The following ITGA2B variants were observed in gnomAD, a reference collection of about 807,000 sequenced individuals.
The protein encoded by ITGA2B is integrin subunit alpha 2b.
A neutral mutation model predicts 142.0 loss-of-function variants in ITGA2B; 91 were observed. The ratio of observed to expected loss-of-function variants is 0.64; its 90% confidence interval spans 0.54 to 0.76. The LOEUF (loss-of-function observed/expected upper bound fraction) is 0.76, where lower values mean the gene tolerates loss of function less well. ITGA2B is among the 30% of genes least tolerant of loss of function. The probability of loss-of-function intolerance (pLI) is 0.00; values close to 1 mark genes in which losing one functional copy is unlikely to be tolerated. For missense variants in ITGA2B, 1,231 were observed against 1,350.8 expected, an observed-to-expected ratio of 0.91 and a Z score of 1.39; for synonymous variants, 536 against 567.2, an observed-to-expected ratio of 0.94 and a Z score of 0.78.
intron 4 of ITGA2B, 75 bp from the exon 5 acceptor site, chr17:44,385,410 A>G: frequency 6.4e-7 from 1 of 1,554,436 alleles, no homozygotes; most frequent in Non-Finnish European, 8.7e-7. Context: ...GGGCTGGGGG[A>G]CAGGGGCGGG....
In ITGA2B at chr17:44,389,542, C is replaced by T; in HGVS notation, c.-69G>A. On this transcript the variant is annotated 5_prime_UTR_variant, in exon 1 of 30. It adds an upstream start codon to the 5' untranslated region. Coordinates refer to ENST00000262407, the MANE Select transcript of ITGA2B (RefSeq NM_000419.5). ...TCCTCCTTCCCTTCAGATTCCTCCA[C>T]AGGAAGTCTTTTCTTATCAAACTGG... 6.5e-7 allele frequency: 1 copy of T among 1,542,198 alleles called. No individual in the cohort carries two copies. The highest frequency in any genetic ancestry group is 8.9e-7 in the Non-Finnish European group (1 of 1,126,500).
chr17:44,384,417 C>T, intron 8 of ITGA2B, 63 bp from the exon 9 acceptor site: 1 of 1,609,322 alleles, frequency 6.2e-7, no homozygotes, highest in South Asian at 1.1e-5. Context: ...CTTCCCGCTC[C>T]CCGTTCTGCA....
chr17:44,375,146 C>T lies in ITGA2B; in HGVS notation c.2728-35G>A, dbSNP rs1182739245. The T allele has an allele frequency of 4.0e-6, 6 of 1,510,624 alleles. No individual in the cohort carries two copies. In the Admixed American group the frequency reaches 7.9e-5, roughly 20 times the overall value. 93.6% of individuals were successfully genotyped at this position (1,510,624 alleles called of 1,614,324 possible). On this transcript the variant is annotated intron_variant, in intron 26 of 29. Transcript: ENST00000262407. ...AGCATCGTCAGTCCCCAGCCCGTCC[C>T]GGCCCATCACCCCATCATCCCCCAC...
At chr17:44,387,376 A>G (rs768989604) in intron 1 of ITGA2B, among the ~76,000 whole-genome samples, 7 of 148,114 alleles carry the variant, frequency 4.7e-5, no homozygotes, top group Non-Finnish European at 9.0e-5. Context: ...TACAAAAATT[A>G]GCCGGGCATG....
chr17:44,379,639 T>C, intron 18 of ITGA2B, 50 bp downstream of exon 18: 1 of 1,612,866 alleles, frequency 6.2e-7, no homozygotes, highest in Non-Finnish European at 8.5e-7. Context: ...TAATCCTGAT[T>C]TGCTATCAGG....
intron 1 of ITGA2B, among the ~76,000 whole-genome samples, chr17:44,387,717 C>G (rs1304443542): frequency 6.9e-6 from 1 of 145,598 alleles, no homozygotes; most frequent in East Asian, 2.2e-4. Flanking sequence ...CCCAGCTACG[C>G]GGGAGGCTGT....
chr17:44,376,420 C>T (rs780661624), intron 22 of ITGA2B, 32 bp from the exon 23 acceptor site: 1 of 1,603,968 alleles, frequency 6.2e-7, no homozygotes, highest in African/African-American at 1.3e-5. Context: ...GAAACAGGGC[C>T]AGGGACACCA....
At chr17:44,385,513 T>A (rs188601974) in intron 4 of ITGA2B, 38 bp downstream of exon 4, 4 of 1,536,612 alleles carry the variant, frequency 2.6e-6, no homozygotes, top group East Asian at 2.4e-5. Context: ...GGCCAAGCCG[T>A]CGCGAGTGGG....
At chr17:44,385,407 G>A in intron 4 of ITGA2B, 72 bp from the exon 5 acceptor site, 6 of 1,559,568 alleles carry the variant, frequency 3.8e-6, no homozygotes, top group South Asian at 1.1e-5. Context: ...GGAGGGCTGG[G>A]GGACAGGGGC....
In ITGA2B at chr17:44,384,596, G is replaced by A; in HGVS notation, c.800-11C>T. The A allele has an allele frequency of 6.2e-7, 1 of 1,613,962 alleles. No individual in the cohort carries two copies. Among genetic ancestry groups the A allele is most frequent in the South Asian group, 1.1e-5 (1 of 91,076 alleles). ...CGGCCACCGAGTACCCTGAGGACAAGGGCGCAAATTAGTCTTTTCCAGGGG... is the reference window on the plus strand; with the variant it reads ...CGGCCACCGAGTACCCTGAGGACAAAGGCGCAAATTAGTCTTTTCCAGGGG... On this transcript the variant is annotated splice_polypyrimidine_tract_variant and intron_variant, in intron 7 of 29. Coordinates refer to ENST00000262407, the MANE Select transcript of ITGA2B (RefSeq NM_000419.5).
rs551047263 is a variant in ITGA2B, at chr17:44,380,830, G to A, written c.1393+49C>T. 1.1e-5 allele frequency: 17 copies of A among 1,608,758 alleles called. No individual in the cohort carries two copies. In the East Asian group the frequency reaches 1.6e-4, roughly 15 times the overall value. On this transcript the variant is annotated intron_variant, in intron 13 of 29. Transcript: ENST00000262407. ...GTGTCTCTTGGCACTTCCAGCGAAT[G>A]TCCAAGGGCCTTTCTTGGGCATTTC...
At chr17:44,381,283 T>A (rs981118803) in intron 12 of ITGA2B, among the ~76,000 whole-genome samples, 8 of 152,162 alleles carry the variant, frequency 5.3e-5, no homozygotes. Context: ...TCTCACTGTC[T>A]ATTGAGGAAA....
In ITGA2B at chr17:44,375,894, A is replaced by G. The variant is rs1344532070; in HGVS notation, c.2540T>C (p.Leu847Pro). Residue 847 changes from leucine (L) to proline (P), a missense_variant, in exon 25 of 30, where the codon CTG (leucine) becomes CCG (proline). This residue lies in a region of ITGA2B where 908 missense variants were observed against 1,021.1 expected (regional missense o/e 0.89). Coordinates refer to ENST00000262407, the MANE Select transcript of ITGA2B (RefSeq NM_000419.5). ...QSQPSDLLYI[L>P]DIQPQGGLQC... ...AAGGCCCCCCTGGGGCTGTATATCC[A>G]GGATGTAGAGCAGGTCGGAGGGCTG... 4 of 1,610,860 alleles carry G rather than the reference A, an allele frequency of 2.5e-6. No homozygotes were observed. Among genetic ancestry groups the G allele is most frequent in the African/African-American group, 1.3e-5 (1 of 74,900 alleles).
At chr17:44,382,137 C>T (rs1353699409) in intron 12 of ITGA2B, among the ~76,000 whole-genome samples, 3 of 152,122 alleles carry the variant, frequency 2.0e-5, no homozygotes, top group African/African-American at 4.8e-5. Context: ...CACCCTCCCA[C>T]CCCCTGAGGC....
At chr17:44,384,400 C>T in intron 8 of ITGA2B, 46 bp from the exon 9 acceptor site, 2 of 1,611,898 alleles carry the variant, frequency 1.2e-6, no homozygotes, top group Admixed American at 1.7e-5. Flanking sequence ...GCCTTAGAAC[C>T]TACCCACTTC....
At position 44,377,797 on chromosome 17, in the gene ITGA2B, G is replaced by C; in HGVS notation, c.2095-7C>G. On this transcript the variant is annotated splice_polypyrimidine_tract_variant and splice_region_variant and intron_variant, in intron 20 of 29. Coordinates refer to ENST00000262407, the MANE Select transcript of ITGA2B (RefSeq NM_000419.5). The stretch of plus-strand genomic sequence containing the variant: ...AGATGAGTCTCTCAAAGCCCTTCAG[G>C]AAGGCAGTTCCAAGAAAGAAATTAC... 2 of 1,569,774 alleles carry C rather than the reference G, an allele frequency of 1.3e-6. No homozygotes were observed.
At chr17:44,384,496 C>T (rs771555116) in intron 8 of ITGA2B, 42 bp downstream of exon 8, 2 of 1,613,168 alleles carry the variant, frequency 1.2e-6, no homozygotes, top group South Asian at 1.1e-5. Flanking sequence ...CGCTCCTCCC[C>T]GGGCTGGGCT....
chr17:44,388,198 A>G (rs138038978), intron 1 of ITGA2B, among the ~76,000 whole-genome samples: 1 of 152,250 alleles, frequency 6.6e-6, no homozygotes, highest in East Asian at 1.9e-4. Flanking sequence ...AGCCTGATCA[A>G]TACTAATCAT....
chr17:44,374,641 C>T lies in ITGA2B; in HGVS notation c.2943+18G>A, dbSNP rs368061730. ...GGGTCCTGCAGGACTGGTCTCTGCT[C>T]CATCCCCCCACACTCACCTGAGCTT... On this transcript the variant is annotated intron_variant, in intron 28 of 29. Transcript: ENST00000262407. 1.2e-4 allele frequency: 190 copies of T among 1,606,844 alleles called. No individual in the cohort carries two copies. The African/African-American group carries it at 2.3e-3, about 19-fold the overall frequency.
Sources: gnomAD v4.1 joint callset for allele counts (sites outside exome capture counted in the v4.1 genomes callset) on GRCh38, gnomAD v4.1.1 for gene constraint, gnomAD v4.1.1 regional missense constraint, MANE v1.5 for transcripts, NCBI Gene and HGNC (gene_info 2026-07-23, HGNC 2026-07-21) for gene names.